Variants in NUP210L observed in about 807,000 individuals in gnomAD.
NUP210L encodes the protein nuclear pore membrane glycoprotein 210-like.
A neutral mutation model predicts 208.5 loss-of-function variants in NUP210L; 74 were observed. The observed-to-expected ratio is 0.35, with a 90% CI of 0.29 to 0.43. The LOEUF is 0.43. Among genes scored for constraint, NUP210L ranks in the 20% least tolerant of loss-of-function variants. The pLI is 1.00. For synonymous variants in NUP210L, 780 were observed against 816.9 expected (o/e 0.95, Z 0.77); for missense variants, 1,843 against 2,289.4 (o/e 0.81, Z 3.98).
intron 10 of NUP210L, among the ~76,000 whole-genome samples, chr1:154,119,837 A>G (rs1328376953): frequency 6.6e-6 from 1 of 152,234 alleles, no homozygotes. Context: ...TATTGTGAAT[A>G]GTGCTGCAAT....
intron 1 of NUP210L, 94 bp from the exon 2 acceptor site, chr1:154,152,966 C>T: frequency 1.9e-6 from 2 of 1,070,266 alleles, no homozygotes; most frequent in South Asian, 2.7e-5. Context: ...ATGTTACATA[C>T]TACCAGGTAT....
At chr1:154,041,582 C>T (rs150630229) in intron 27 of NUP210L, among the ~76,000 whole-genome samples, 21 of 151,680 alleles carry the variant, frequency 1.4e-4, no homozygotes, top group Non-Finnish European at 2.4e-4. Flanking sequence ...CCACCTGCCT[C>T]GGCCTCCAGG....
At chr1:154,126,461 A>G in exon 10 of NUP210L, 1 of 1,607,272 alleles carries the variant, frequency 6.2e-7, no homozygotes, top group Non-Finnish European at 8.5e-7. Flanking sequence ...TAATCCTGAG[A>G]TTCTGAAAAT....
chr1:153,995,720 T>C lies in NUP210L; in HGVS notation c.5387-540A>G, dbSNP rs962257914. The C allele has an allele frequency of 1.1e-4, 102 of 891,796 alleles. 1 individual carries two copies. Among genetic ancestry groups the C allele is most frequent in the Non-Finnish European group, 3.3e-5 (18 of 545,612 alleles). The allele number at this position is 891,796 out of a possible 1,614,324, so 55.2% of individuals were successfully genotyped here. A position where few individuals can be genotyped will look rare whatever the true frequency, so the allele number is the denominator to read the frequency against. ...CTGTCCCAAACCCTTGGTAATAGAATTGTTTACCTTTATACCAAGATGGAT... is the reference window on the plus strand; with the variant it reads ...CTGTCCCAAACCCTTGGTAATAGAACTGTTTACCTTTATACCAAGATGGAT... On this transcript the variant is annotated intron_variant, in intron 37 of 39. Transcript: ENST00000368559.
chr1:154,057,900 C>A (rs968161086), intron 22 of NUP210L, among the ~76,000 whole-genome samples, 189 bp downstream of exon 22: 2 of 152,048 alleles, frequency 1.3e-5, no homozygotes, highest in Non-Finnish European at 2.9e-5. Flanking sequence ...TGTACCCTCA[C>A]GCCAGGCTCA....
intron 15 of NUP210L, among the ~76,000 whole-genome samples, chr1:154,092,281 G>A (rs953210732): frequency 2.7e-5 from 4 of 149,566 alleles, no homozygotes; most frequent in Non-Finnish European, 5.9e-5. Flanking sequence ...GGGTTTCACC[G>A]TGTTACCCAG....
At chr1:154,137,218 T>C (rs896130001) in intron 6 of NUP210L, among the ~76,000 whole-genome samples, 5 of 151,012 alleles carry the variant, frequency 3.3e-5, no homozygotes, top group Middle Eastern at 3.5e-3. Context: ...GGACAAGGAG[T>C]TCAAGACCAG....
intron 16 of NUP210L, among the ~76,000 whole-genome samples, chr1:154,086,451 A>G (rs1365006930): frequency 6.6e-6 from 1 of 152,156 alleles, no homozygotes; most frequent in Non-Finnish European, 1.5e-5. Context: ...AACAACAACC[A>G]TAGTAACAAA....
At chr1:154,080,883 A>G (rs1253157132) in intron 16 of NUP210L, among the ~76,000 whole-genome samples, 2 of 151,470 alleles carry the variant, frequency 1.3e-5, no homozygotes, top group Non-Finnish European at 2.9e-5. Flanking sequence ...GTGAGACAGG[A>G]GAATTGCTTG....
rs549422504 is a variant in NUP210L at position 153,992,935 on chromosome 1, C to T, written c.5567G>A (p.Gly1856Asp). ...GGGAGAACTTGTGGAGTTAAAAAAA[C>T]CTAGAAGAAGAGGGAAAAGTTGAGT... Residue 1856 changes from glycine to aspartate, a missense_variant and splice_region_variant, in exon 40 of 40, where the codon GGT becomes GAT. Coordinates refer to ENST00000368559, the Ensembl canonical transcript of NUP210L. 17 of 1,610,526 alleles carry T rather than the reference C, an allele frequency of 1.1e-5. No individual in the cohort carries two copies. In the South Asian group the frequency reaches 1.4e-4, roughly 14 times the overall value.
chr1:154,022,363 G>A lies in NUP210L; in HGVS notation c.4299-20C>T. ...TCATCTCTGCAAGTAGACATTAAAGGTAGAAATCTTTAAAAAGAGACAATA... is the reference window on the plus strand; with the variant it reads ...TCATCTCTGCAAGTAGACATTAAAGATAGAAATCTTTAAAAAGAGACAATA... On this transcript the variant is annotated intron_variant, in intron 31 of 39. Coordinates refer to ENST00000368559, the Ensembl canonical transcript of NUP210L. 1 of 1,582,786 alleles carries A rather than the reference G, an allele frequency of 6.3e-7. No individual in the cohort carries two copies. The highest frequency in any genetic ancestry group is 1.3e-5 in the African/African-American group (1 of 74,428).
rs1209315249 is a variant in NUP210L at position 154,094,119 on chromosome 1, T to A, written c.2187+816A>T. On this transcript the variant is annotated intron_variant, in intron 15 of 39. Coordinates refer to ENST00000368559, the Ensembl canonical transcript of NUP210L. ...CAACATGGTAAAACCCCGTCTCTAC[T>A]AAAAATACAAAAAATTAGCCAGGCG... Among the ~76,000 whole-genome samples the A allele has an allele frequency of 2.0e-5, 3 of 152,184 alleles. No individual in the cohort carries two copies. In the East Asian group the frequency reaches 5.8e-4, roughly 29 times the overall value.
At chr1:154,042,090 C>G (rs886252526) in intron 27 of NUP210L, among the ~76,000 whole-genome samples, 1 of 151,256 alleles carries the variant, frequency 6.6e-6, no homozygotes, top group Non-Finnish European at 1.5e-5. Context: ...AGGCCTTTCC[C>G]TCTCTCTCTC....
chr1:154,062,509 C>T (rs142321561), intron 17 of NUP210L, among the ~76,000 whole-genome samples: 1,557 of 147,888 alleles, frequency 0.011, 16 homozygotes, highest in Middle Eastern at 0.08. Context: ...ATTCATTTTT[C>T]TTTCTCTTTC....
intron 35 of NUP210L, among the ~76,000 whole-genome samples, chr1:154,009,002 C>T (rs1433699745): frequency 5.9e-5 from 9 of 152,074 alleles, no homozygotes; most frequent in Middle Eastern, 3.4e-3. Flanking sequence ...TTCCATCCCC[C>T]GGTTCAGGCA....
chr1:154,101,910 G>C (rs1656490561), intron 13 of NUP210L, among the ~76,000 whole-genome samples: 1 of 152,176 alleles, frequency 6.6e-6, no homozygotes, highest in Admixed American at 6.5e-5. Context: ...AGCACTTTGG[G>C]AGGCCGAGGC....
chr1:154,112,624 G>A (rs1435820505), intron 12 of NUP210L, among the ~76,000 whole-genome samples: 1 of 152,096 alleles, frequency 6.6e-6, no homozygotes, highest in African/African-American at 2.4e-5. Context: ...GGGAGGCCAA[G>A]GCGGGAAGAT....
In NUP210L at chr1:154,105,502, C is replaced by G. The variant is rs1211037553; in HGVS notation, c.1621-1292G>C. On this transcript the variant is annotated intron_variant, in intron 12 of 39. Transcript: ENST00000368559. ...AAAATCCGTTAAAAAAAAAAAAGAG[C>G]CCTTGGGCCTTGAATAAACATTTGG... Among the ~76,000 whole-genome samples the G allele has an allele frequency of 2.0e-5, 3 of 151,960 alleles. No homozygotes were observed. The South Asian group carries it at 6.2e-4, about 32-fold the overall frequency.
At chr1:154,037,006 G>C (rs1461947759) in intron 27 of NUP210L, among the ~76,000 whole-genome samples, 2 of 150,254 alleles carry the variant, frequency 1.3e-5, no homozygotes, top group African/African-American at 4.9e-5. Context: ...CAAACAATCT[G>C]CCCACCCTGG....
Sources: gnomAD v4.1 joint callset for allele counts (sites outside exome capture counted in the v4.1 genomes callset) on GRCh38, gnomAD v4.1.1 for gene constraint, MANE v1.5 for transcripts, NCBI Gene and HGNC (gene_info 2026-07-23, HGNC 2026-07-21) for gene names.